PLCG2: variants seen among roughly 807,000 people sequenced by gnomAD.
PLCG2 encodes phospholipase C gamma 2, also known as 1-phosphatidylinositol 4,5-bisphosphate phosphodiesterase gamma-2.
Under a neutral mutation model 175.6 loss-of-function variants are expected in PLCG2, and 69 were observed. The ratio of observed to expected loss-of-function variants is 0.39; its 90% CI spans 0.32 to 0.48. PLCG2 has a LOEUF of 0.48. Among genes scored for constraint, PLCG2 ranks in the 20% least tolerant of loss-of-function variants. The pLI is 0.91. For synonymous variants in PLCG2, 827 were observed against 624.0 expected (o/e 1.33, Z -4.85); for missense variants, 1,798 against 1,650.9 (o/e 1.09, Z -1.54).
chr16:81,839,844 G>C lies in PLCG2; in HGVS notation c.194-14600G>C, dbSNP rs557854938. ...AATGGGAGGATCACTTGAGGCCAGG[G>C]ATTTGAGACCAGCCTAGGCAACATA... On this transcript the variant is annotated intron_variant, in intron 2 of 32. Coordinates refer to ENST00000564138, the MANE Select transcript of PLCG2 (RefSeq NM_002661.5). Among the ~76,000 whole-genome samples the C allele has an allele frequency of 5.5e-4, 84 of 152,286 alleles. 1 individual carries two copies. The highest frequency in any genetic ancestry group is 1.9e-3 in the African/African-American group (79 of 41,564).
At chr16:81,749,284 T>A (rs996584073) in intron 1 of PLCG2, among the ~76,000 whole-genome samples, 2 of 152,220 alleles carry the variant, frequency 1.3e-5, no homozygotes, top group Non-Finnish European at 2.9e-5. Flanking sequence ...AAAAAATCAC[T>A]TGATTGATTT....
intron 2 of PLCG2, among the ~76,000 whole-genome samples, chr16:81,850,665 G>A (rs1346359794): frequency 1.3e-5 from 2 of 152,122 alleles, no homozygotes. Context: ...ATTTTAAAGG[G>A]GCTAAAGTAG....
chr16:81,907,659 G>A (rs1909434818), intron 15 of PLCG2, 26 bp from the exon 16 acceptor site: 1 of 1,557,042 alleles, frequency 6.4e-7, no homozygotes. Flanking sequence ...GACTTGGGGG[G>A]CACTAATACC....
chr16:81,858,107 A>G (rs1349532509), intron 3 of PLCG2, 156 bp from the exon 4 acceptor site: 3 of 644,618 alleles, frequency 4.7e-6, no homozygotes, highest in Non-Finnish European at 8.5e-6. Flanking sequence ...TCCTAGGGCC[A>G]TGACGGTGTG....
At chr16:81,818,909 C>CTTTTTTTTTTTTTTTTTTTTTTTTTTT (rs1904673567) in intron 2 of PLCG2, among the ~76,000 whole-genome samples, 1 of 54,358 alleles carries the variant, frequency 1.8e-5, no homozygotes, top group African/African-American at 9.4e-5. Context: ...TTTTTTTTTA[C>CTTTTTTTTTTTTTTTTTTTTTTTTTTT]TGTGGTGGGG....
chr16:81,862,411 G>T (rs1907027948), intron 5 of PLCG2, among the ~76,000 whole-genome samples: 1 of 152,228 alleles, frequency 6.6e-6, no homozygotes, highest in African/African-American at 2.4e-5. Context: ...TTGGCTGACG[G>T]TTGAGCTAGG....
At chr16:81,886,411 G>A (rs532880037) in intron 9 of PLCG2, among the ~76,000 whole-genome samples, 39 of 152,328 alleles carry the variant, frequency 2.6e-4, no homozygotes, top group African/African-American at 9.1e-4. Context: ...AAATTAGTAT[G>A]CCTTTTCTAG....
intron 10 of PLCG2, 115 bp downstream of exon 10, chr16:81,889,388 C>G (rs537304017): frequency 7.8e-6 from 5 of 641,210 alleles, no homozygotes; most frequent in African/African-American, 1.8e-5. Context: ...ATGATGTTGC[C>G]TCGACTGACT....
chr16:81,862,332 G>T (rs561640092), intron 5 of PLCG2, among the ~76,000 whole-genome samples: 8 of 152,204 alleles, frequency 5.3e-5, no homozygotes, highest in African/African-American at 1.7e-4. Flanking sequence ...TGGTAGCAGC[G>T]GGCATTTGTT....
intron 1 of PLCG2, among the ~76,000 whole-genome samples, chr16:81,749,509 A>C (rs1020257332): frequency 7.9e-5 from 12 of 151,928 alleles, no homozygotes; most frequent in African/African-American, 2.9e-4. Flanking sequence ...CCTGCCACCA[A>C]GCCCAGCTAA....
In PLCG2 at chr16:81,927,068, CTCT is replaced by C; in HGVS notation, c.2418-9_2418-7del. On this transcript the variant is annotated splice_polypyrimidine_tract_variant and intron_variant, in intron 22 of 32. Coordinates refer to ENST00000564138, the MANE Select transcript of PLCG2 (RefSeq NM_002661.5). ...CCTGGTGACAGCGCCCCCATGTCCT[CTCT>C]TCTTATCCAGGTGGAAAGGAGACTA... is the stretch of plus-strand genomic sequence containing the variant. 1.9e-6 allele frequency: 3 copies of C among 1,584,068 alleles called. No homozygotes were observed. Among genetic ancestry groups the C allele is most frequent in the East Asian group, 2.2e-5 (1 of 44,776 alleles).
At chr16:81,864,766 C>T (rs1003517393) in intron 5 of PLCG2, among the ~76,000 whole-genome samples, 3 of 152,142 alleles carry the variant, frequency 2.0e-5, no homozygotes, top group Non-Finnish European at 4.4e-5. Flanking sequence ...CACGGGGCTG[C>T]CATCCTTAAT....
intron 2 of PLCG2, among the ~76,000 whole-genome samples, chr16:81,769,798 C>T (rs1247276562): frequency 5.2e-5 from 6 of 115,880 alleles, no homozygotes; most frequent in South Asian, 5.6e-4. Context: ...CCAGCCTGGG[C>T]GACAGAGCGA....
rs191284014 is a variant in PLCG2, at chr16:81,799,718, G to A, written c.193+13536G>A. ...CACCATTCTCCTGCCTCAACCTCCC[G>A]AGTAGCTGGGACTACAGGCGCCCGC... On this transcript the variant is annotated intron_variant, in intron 2 of 32. Transcript: ENST00000564138. Among the ~76,000 whole-genome samples the A allele has an allele frequency of 7.2e-3, 1,090 of 150,476 alleles. 2 individuals carry two copies. The highest frequency in any genetic ancestry group is 0.012 in the Non-Finnish European group (826 of 67,844).
chr16:81,910,129 C>G (rs569577471), intron 17 of PLCG2, among the ~76,000 whole-genome samples: 1 of 151,940 alleles, frequency 6.6e-6, no homozygotes, highest in Non-Finnish European at 1.5e-5. Context: ...CTCGCTCTGT[C>G]GCCCAGGCTG....
intron 7 of PLCG2, among the ~76,000 whole-genome samples, chr16:81,871,783 T>C (rs1907528550): frequency 6.6e-6 from 1 of 152,230 alleles, no homozygotes; most frequent in Non-Finnish European, 1.5e-5. Context: ...CATCGGGGCC[T>C]GAGAATATAT....
At chr16:81,793,069 A>G (rs1911310448) in intron 2 of PLCG2, among the ~76,000 whole-genome samples, 1 of 152,214 alleles carries the variant, frequency 6.6e-6, no homozygotes, top group Non-Finnish European at 1.5e-5. Context: ...GAAAGAAAAA[A>G]GGCCCCCTGG....
chr16:81,887,500 C>A (rs1908429481), intron 9 of PLCG2, among the ~76,000 whole-genome samples: 1 of 152,180 alleles, frequency 6.6e-6, no homozygotes, highest in Admixed American at 6.5e-5. Context: ...TTCAAATGAG[C>A]TTGTAGTTTC....
At position 81,927,162 on chromosome 16, in the gene PLCG2, A is replaced by G; in HGVS notation, c.2498A>G (p.Glu833Gly). 6.2e-7 allele frequency: 1 copy of G among 1,611,782 alleles called. No homozygotes were observed. The highest frequency in any genetic ancestry group is 8.5e-7 in the Non-Finnish European group (1 of 1,177,854). The change falls in exon 23 of 33, where the codon GAG becomes GGG. Residue 833 changes from glutamate (E) to glycine (G), a missense_variant. Glu to Gly is a moderately conservative substitution (Grantham distance 98). Coordinates refer to ENST00000564138, the MANE Select transcript of PLCG2 (RefSeq NM_002661.5). Reference sequence around the variant, plus strand: ...GAGGACATCTCAACTGCAGACTTCGAGGAGCTAGAAAAGCAGGTGAGTCCC... The same window carrying G: ...GAGGACATCTCAACTGCAGACTTCGGGGAGCTAGAAAAGCAGGTGAGTCCC... ...YVEDISTADF[E>G]ELEKQIIEDN...
Sources: allele counts gnomAD v4.1 joint callset (sites outside exome capture counted in the v4.1 genomes callset), GRCh38; gene constraint gnomAD v4.1.1; transcripts MANE v1.5; gene names NCBI Gene and HGNC (gene_info 2026-07-23, HGNC 2026-07-21).